The following SLC35F3 variants were observed in gnomAD, a reference collection of about 807,000 sequenced individuals.
The protein encoded by SLC35F3 is putative thiamine transporter SLC35F3.
Under a neutral mutation model 49.9 loss-of-function variants are expected in SLC35F3, and 25 were observed. The ratio of observed to expected loss-of-function variants is 0.50; its 90% CI spans 0.37 to 0.70. The LOEUF (loss-of-function observed/expected upper bound fraction) is 0.70, where lower values mean the gene tolerates loss of function less well. SLC35F3 is among the 30% of genes least tolerant of loss of function. The probability of loss-of-function intolerance (pLI) is 0.00; values close to 1 mark genes in which losing one functional copy is unlikely to be tolerated. For missense variants in SLC35F3, 525 were observed against 639.8 expected, an observed-to-expected ratio of 0.82 and a Z score of 1.94; for synonymous variants, 275 against 265.4, an observed-to-expected ratio of 1.04 and a Z score of -0.35.
chr1:234,264,706 A>G (rs1036251807), intron 3 of SLC35F3, among the ~76,000 whole-genome samples: 2 of 152,034 alleles, frequency 1.3e-5, no homozygotes, highest in African/African-American at 4.8e-5. Context: ...GGCACACACC[A>G]TCATGCCTGC....
intron 2 of SLC35F3, among the ~76,000 whole-genome samples, chr1:234,041,674 C>T (rs909574330): frequency 2.6e-5 from 4 of 152,100 alleles, no homozygotes; most frequent in South Asian, 4.1e-4. Flanking sequence ...CATTTTATAA[C>T]AAAGATTCTG....
At chr1:234,166,182 A>C (rs951461173) in intron 2 of SLC35F3, among the ~76,000 whole-genome samples, 5 of 152,148 alleles carry the variant, frequency 3.3e-5, no homozygotes, top group Non-Finnish European at 4.4e-5. Flanking sequence ...TTTTAGGTTC[A>C]GAGCAAATTG....
rs572551565 is a variant in SLC35F3 at position 234,290,827 on chromosome 1, G to A, written c.609-18274G>A. 2.0e-5 allele frequency among the ~76,000 whole-genome samples: 3 copies of A among 152,334 alleles called. No homozygotes were observed. The South Asian group carries it at 6.2e-4, about 32-fold the overall frequency. On this transcript the variant is annotated intron_variant, in intron 3 of 7. Transcript: ENST00000366618. ...AATGAACCAGGACATTAAAGAACCT[G>A]AGGGTTCTTTCTGTAACTACAAACT...
rs188558617 is a variant in SLC35F3, at chr1:233,965,190, G to A, written c.283+59432G>A. Among the ~76,000 whole-genome samples the A allele has an allele frequency of 1.0e-3, 159 of 152,236 alleles. 1 individual carries two copies. Among genetic ancestry groups the A allele is most frequent in the African/African-American group, 3.4e-3 (143 of 41,530 alleles). On this transcript the variant is annotated intron_variant, in intron 2 of 7. Transcript: ENST00000366618. ...CTAAGGGTTGAAGTTTTTTTAGAGGGACATTAAATGGTTTTTCTTCAAAAA... is the reference window on the plus strand; with the variant it reads ...CTAAGGGTTGAAGTTTTTTTAGAGGAACATTAAATGGTTTTTCTTCAAAAA...
intron 2 of SLC35F3, among the ~76,000 whole-genome samples, chr1:234,089,487 T>C (rs1483596761): frequency 6.6e-6 from 1 of 152,154 alleles, no homozygotes; most frequent in East Asian, 1.9e-4. Flanking sequence ...GAAAAACAGA[T>C]GAAGGACCCT....
intron 2 of SLC35F3, among the ~76,000 whole-genome samples, chr1:234,176,351 G>C (rs1666475565): frequency 6.6e-6 from 1 of 152,180 alleles, no homozygotes; most frequent in Non-Finnish European, 1.5e-5. Flanking sequence ...TGCTCCATCT[G>C]TTCATAGAGT....
chr1:234,213,066 C>A (rs1372653128), intron 2 of SLC35F3: 1 of 152,160 alleles, frequency 6.6e-6, no homozygotes, highest in African/African-American at 2.4e-5. Context: ...TAATAAGAAT[C>A]CAACAAGAGC....
chr1:234,248,080 C>T (rs1430159115), intron 3 of SLC35F3, among the ~76,000 whole-genome samples: 1 of 152,092 alleles, frequency 6.6e-6, no homozygotes, highest in Non-Finnish European at 1.5e-5. Context: ...GGTTGGTTGG[C>T]TGGTCCATTG....
intron 2 of SLC35F3, among the ~76,000 whole-genome samples, chr1:234,108,512 T>TATATATTTATATATATAAAA (rs1327594031): frequency 9.8e-6 from 1 of 102,350 alleles, no homozygotes; most frequent in Non-Finnish European, 1.8e-5. Flanking sequence ...TATATATAAA[T>TATATATTTATATATATAAAA]GATATATATT....
rs1007144616 is a variant in SLC35F3 at position 234,270,423 on chromosome 1, A to G, written c.609-38678A>G. ...TTATCTTCTCAGAAATAAAACAGAT[A>G]AATCTATTGTTGTTTACATATTGAG... On this transcript the variant is annotated intron_variant, in intron 3 of 7. Coordinates refer to ENST00000366618, the MANE Select transcript of SLC35F3 (RefSeq NM_173508.4). Among the ~76,000 whole-genome samples the G allele has an allele frequency of 2.0e-5, 3 of 152,372 alleles. No homozygotes were observed. In the South Asian group the frequency reaches 6.2e-4, roughly 32 times the overall value.
intron 7 of SLC35F3, among the ~76,000 whole-genome samples, chr1:234,321,013 C>A (rs1397391595): frequency 1.3e-5 from 2 of 149,030 alleles, no homozygotes; most frequent in East Asian, 4.0e-4. Flanking sequence ...CCAAATCCTG[C>A]CACTTCCAGG....
intron 2 of SLC35F3, among the ~76,000 whole-genome samples, chr1:234,003,843 T>C (rs1177150635): frequency 6.6e-6 from 1 of 152,162 alleles, no homozygotes; most frequent in Non-Finnish European, 1.5e-5. Flanking sequence ...GAATGGTCAA[T>C]TAAATGATGC....
At chr1:234,081,644 C>T (rs1204847092) in intron 2 of SLC35F3, among the ~76,000 whole-genome samples, 1 of 152,092 alleles carries the variant, frequency 6.6e-6, no homozygotes, top group Admixed American at 6.5e-5. Context: ...TTAACCAGGG[C>T]TTCTGTCTTG....
chr1:234,263,314 A>G (rs893511271), intron 3 of SLC35F3, among the ~76,000 whole-genome samples: 1 of 152,202 alleles, frequency 6.6e-6, no homozygotes, highest in African/African-American at 2.4e-5. Context: ...TTTTAAAGAG[A>G]GCTAAAAGAA....
At chr1:234,296,703 T>TA (rs1042906102) in intron 3 of SLC35F3, among the ~76,000 whole-genome samples, 7 of 152,210 alleles carry the variant, frequency 4.6e-5, no homozygotes, top group African/African-American at 1.7e-4. Context: ...ACTTCTCAGA[T>TA]ACCTCTGCTA....
intron 2 of SLC35F3, among the ~76,000 whole-genome samples, chr1:234,042,750 T>C (rs1173798640): frequency 6.6e-6 from 1 of 152,218 alleles, no homozygotes; most frequent in Non-Finnish European, 1.5e-5. Flanking sequence ...GTTGCAAGCA[T>C]GGTGCGTGTA....
At chr1:234,236,926 TATATATATA>T (rs1667481477) in intron 3 of SLC35F3, among the ~76,000 whole-genome samples, 2 of 1,686 alleles carry the variant, frequency 1.2e-3, no homozygotes, top group Non-Finnish European at 1.9e-3. Flanking sequence ...AAAAAAAAAT[TATATATATA>T]TATATATATA....
At chr1:234,033,136 G>A (rs1664087414) in intron 2 of SLC35F3, among the ~76,000 whole-genome samples, 1 of 151,758 alleles carries the variant, frequency 6.6e-6, no homozygotes, top group Admixed American at 6.6e-5. Context: ...CCTTATGTTT[G>A]TTGGCCATTT....
chr1:234,081,772 C>T (rs983183685), intron 2 of SLC35F3, among the ~76,000 whole-genome samples: 13 of 151,614 alleles, frequency 8.6e-5, no homozygotes, highest in African/African-American at 3.2e-4. Context: ...GAGTCTCACT[C>T]TGTTGCCCAG....
Sources: allele counts gnomAD v4.1 joint callset (sites outside exome capture counted in the v4.1 genomes callset), GRCh38; gene constraint gnomAD v4.1.1; transcripts MANE v1.5; gene names NCBI Gene and HGNC (gene_info 2026-07-23, HGNC 2026-07-21).